The following ANKRD30A variants were observed in gnomAD, a reference collection of about 807,000 sequenced individuals.
ANKRD30A encodes the protein ankyrin repeat domain-containing protein 30A.
Under a neutral mutation model 166.3 loss-of-function variants are expected in ANKRD30A, and 170 were observed. The observed-to-expected ratio is 1.02, with a 90% CI of 0.90 to 1.16. The LOEUF (loss-of-function observed/expected upper bound fraction) is 1.16, where lower values mean the gene tolerates loss of function less well. Among genes scored for constraint, ANKRD30A ranks in the 50% most tolerant of loss-of-function variants. ANKRD30A has a pLI of 0.00. For missense variants in ANKRD30A, 1,630 were observed against 1,518.0 expected (o/e 1.07, Z -1.23); for synonymous variants, 564 against 508.9 (o/e 1.11, Z -1.46).
chr10:37,201,436 G>A, intron 31 of ANKRD30A, 111 bp downstream of exon 31: 1 of 776,628 alleles, frequency 1.3e-6, no homozygotes, highest in Non-Finnish European at 1.9e-6. Context: ...TGCAAACCAT[G>A]GAAAAAAAGA....
At chr10:37,247,243 G>A in the ANKRD30A span, among the ~76,000 whole-genome samples, 1 of 152,124 alleles carries the variant, frequency 6.6e-6, no homozygotes, top group Non-Finnish European at 1.5e-5. Flanking sequence ...CCTTAAAGAG[G>A]TAAAGCACAG....
intron 31 of ANKRD30A, among the ~76,000 whole-genome samples, chr10:37,215,840 T>C (rs898090885): frequency 1.9e-4 from 29 of 151,480 alleles, no homozygotes; most frequent in African/African-American, 6.8e-4. Context: ...GCTCAACTGC[T>C]TCCTTTTCAA....
At chr10:37,143,480 C>G (rs752777600) in intron 7 of ANKRD30A, among the ~76,000 whole-genome samples, 1 of 152,048 alleles carries the variant, frequency 6.6e-6, no homozygotes, top group African/African-American at 2.4e-5. Flanking sequence ...ATGGTGAAAC[C>G]TCATCTTTAC....
intron 31 of ANKRD30A, among the ~76,000 whole-genome samples, chr10:37,205,548 T>A (rs905678694): frequency 1.1e-4 from 16 of 152,200 alleles, no homozygotes; most frequent in African/African-American, 3.9e-4. Flanking sequence ...TGTATACATA[T>A]GTAAAAAACC....
chr10:37,224,149 A>G (rs1264345760), intron 34 of ANKRD30A, among the ~76,000 whole-genome samples: 2 of 151,346 alleles, frequency 1.3e-5, no homozygotes, highest in Admixed American at 1.3e-4. Flanking sequence ...AATAATGACA[A>G]TGCCTTTGGC....
chr10:37,155,472 T>C (rs4534522), intron 13 of ANKRD30A, among the ~76,000 whole-genome samples: 2,420 of 152,320 alleles, frequency 0.016, 151 homozygotes, highest in East Asian at 0.14. Context: ...AACTCTCATC[T>C]GAACTGTGTG....
At chr10:37,193,776 G>A (rs1372698130) in intron 27 of ANKRD30A, among the ~76,000 whole-genome samples, 15 of 152,064 alleles carry the variant, frequency 9.9e-5, no homozygotes, top group African/African-American at 3.6e-4. Flanking sequence ...TCTAGACACG[G>A]TGTTTTAGAA....
chr10:37,225,578 G>A (rs1843108475), intron 34 of ANKRD30A, among the ~76,000 whole-genome samples: 1 of 151,830 alleles, frequency 6.6e-6, no homozygotes, highest in African/African-American at 2.4e-5. Flanking sequence ...ATACTTTGGG[G>A]AAGTAAAAAT....
chr10:37,152,631 T>A (rs573153166), intron 12 of ANKRD30A, among the ~76,000 whole-genome samples: 1 of 152,134 alleles, frequency 6.6e-6, no homozygotes, highest in South Asian at 2.1e-4. Flanking sequence ...AAGAAAAGCA[T>A]GAGGAATAGG....
chr10:37,183,671 T>C (rs1840190812), intron 24 of ANKRD30A, among the ~76,000 whole-genome samples: 3 of 148,106 alleles, frequency 2.0e-5, no homozygotes, highest in Admixed American at 6.8e-5. Context: ...GTTTATGGTC[T>C]CATTTCTCAT....
chr10:37,261,525 G>A, the ANKRD30A span, among the ~76,000 whole-genome samples: 5 of 152,048 alleles, frequency 3.3e-5, no homozygotes, highest in Non-Finnish European at 7.4e-5. Context: ...TTCAATGTTG[G>A]CATTTTATAA....
chr10:37,209,387 G>C (rs1842160354), intron 31 of ANKRD30A, among the ~76,000 whole-genome samples: 1 of 152,104 alleles, frequency 6.6e-6, no homozygotes, highest in African/African-American at 2.4e-5. Flanking sequence ...TGGAACGTGA[G>C]GAAGAACTTG....
chr10:37,127,377 C>T (rs1836109360), intron 1 of ANKRD30A, among the ~76,000 whole-genome samples: 1 of 151,966 alleles, frequency 6.6e-6, no homozygotes, highest in Non-Finnish European at 1.5e-5. Context: ...ACATTTTTAT[C>T]TTGACAAAAC....
chr10:37,201,627 G>A (rs562904480), intron 31 of ANKRD30A, among the ~76,000 whole-genome samples: 26 of 152,138 alleles, frequency 1.7e-4, no homozygotes, highest in East Asian at 9.6e-4. Flanking sequence ...AAGACAGAGC[G>A]TACAGAGAGT....
intron 27 of ANKRD30A, among the ~76,000 whole-genome samples, chr10:37,195,512 C>T (rs1219030340): frequency 1.3e-5 from 2 of 152,146 alleles, no homozygotes; most frequent in Non-Finnish European, 2.9e-5. Context: ...GTTGTAACTC[C>T]AGCAGTTTTA....
chr10:37,201,111 C>G, intron 30 of ANKRD30A, 124 bp from the exon 31 acceptor site: 1 of 672,936 alleles, frequency 1.5e-6, no homozygotes, highest in Non-Finnish European at 2.3e-6. Context: ...CGTGTCTGCT[C>G]TTAAGTTGAA....
rs1837135659 is a variant in ANKRD30A at position 37,141,707 on chromosome 10, G to T, written c.821-11G>T. The T allele has an allele frequency of 6.2e-7, 1 of 1,611,182 alleles. No homozygotes were observed. On this transcript the variant is annotated splice_polypyrimidine_tract_variant and intron_variant, in intron 6 of 35. Coordinates refer to ENST00000361713, the MANE Select transcript of ANKRD30A (RefSeq NM_052997.3). Reference sequence around the variant, plus strand: ...TAGAAGGAAAATTTAACCAGATTGTGTGTTTGGCAGAAGGAACATCTGCAG... The same window carrying T: ...TAGAAGGAAAATTTAACCAGATTGTTTGTTTGGCAGAAGGAACATCTGCAG...
the ANKRD30A span, among the ~76,000 whole-genome samples, chr10:37,261,454 T>C: frequency 1.2e-4 from 19 of 152,198 alleles, no homozygotes; most frequent in Non-Finnish European, 2.2e-4. Context: ...TTTTTATTGA[T>C]CTGTAATCCA....
At chr10:37,166,249 T>G (rs866110560) in intron 18 of ANKRD30A, among the ~76,000 whole-genome samples, 2 of 152,080 alleles carry the variant, frequency 1.3e-5, no homozygotes, top group Non-Finnish European at 2.9e-5. Context: ...TGCGTTGTAT[T>G]TTGTTTGAAA....
Sources: gnomAD v4.1 joint callset for allele counts (sites outside exome capture counted in the v4.1 genomes callset) on GRCh38, gnomAD v4.1.1 for gene constraint, MANE v1.5 for transcripts, NCBI Gene and HGNC (gene_info 2026-07-23, HGNC 2026-07-21) for gene names.